GINS1: variants seen among roughly 807,000 people sequenced by gnomAD.
The protein encoded by GINS1 is GINS complex subunit 1.
In GINS1, 26 loss-of-function variants were observed where a neutral mutation model predicts 34.9. The ratio of observed to expected loss-of-function variants is 0.74; its 90% CI spans 0.55 to 1.03. GINS1 has a LOEUF of 1.03. Among genes scored for constraint, GINS1 ranks in the 50% least tolerant of loss-of-function variants. The pLI is 0.00. For missense variants in GINS1, 235 were observed against 237.9 expected (o/e 0.99, Z 0.08); for synonymous variants, 97 against 84.4 (o/e 1.15, Z -0.82).
rs1178706434 is a variant in GINS1 at position 25,407,691 on chromosome 20, G to C, written c.-130G>C. ...TAGCTTTGTTCGGCGCCAAAGCGCG[G>C]AGCGGAGGCCGAGGCGAGAGCCTGG... On this transcript the variant is annotated 5_prime_UTR_variant, in exon 1 of 7. Coordinates refer to ENST00000262460, the MANE Select transcript of GINS1 (RefSeq NM_021067.5). The C allele has an allele frequency of 2.7e-6, 2 of 741,288 alleles. No homozygotes were observed. The highest frequency in any genetic ancestry group is 1.8e-5 in the African/African-American group (1 of 56,750). 45.9% of individuals were successfully genotyped at this position (741,288 alleles called of 1,614,324 possible).
At chr20:25,411,499 T>C (rs1261641865) in intron 1 of GINS1, among the ~76,000 whole-genome samples, 1 of 152,108 alleles carries the variant, frequency 6.6e-6, no homozygotes, top group African/African-American at 2.4e-5. Flanking sequence ...ACCTATTGGG[T>C]AACATTTAAT....
intron 1 of GINS1, chr20:25,408,841 C>G: frequency 4.7e-6 from 4 of 852,382 alleles, no homozygotes; most frequent in Non-Finnish European, 5.6e-6. Context: ...GCTCCAGAGC[C>G]TGCACTCTAA....
At chr20:25,439,814 G>A (rs2090472673) in intron 5 of GINS1, among the ~76,000 whole-genome samples, 1 of 151,886 alleles carries the variant, frequency 6.6e-6, no homozygotes, top group African/African-American at 2.4e-5. Context: ...CCAACATGGT[G>A]AAACCCCGTC....
intron 2 of GINS1, 27 bp from the exon 3 acceptor site, chr20:25,417,077 T>G (rs750520041): frequency 1.9e-6 from 2 of 1,027,790 alleles, no homozygotes; most frequent in East Asian, 4.8e-5. Context: ...AGTACATATT[T>G]TTTTTCTTTT....
At chr20:25,445,250 A>G (rs2090504593) in intron 6 of GINS1, among the ~76,000 whole-genome samples, 2 of 152,086 alleles carry the variant, frequency 1.3e-5, no homozygotes, top group Non-Finnish European at 2.9e-5. Flanking sequence ...GCTGGAGTGC[A>G]ATGGCACAAT....
At chr20:25,410,298 G>A (rs890882705) in intron 1 of GINS1, among the ~76,000 whole-genome samples, 4 of 151,616 alleles carry the variant, frequency 2.6e-5, no homozygotes, top group Non-Finnish European at 4.4e-5. Context: ...CCAAGATCGG[G>A]TCACTGCACT....
rs1019800682 is a variant in GINS1 at position 25,407,712 on chromosome 20, C to A, written c.-109C>A. The A allele has an allele frequency of 2.3e-6, 2 of 856,528 alleles. No individual in the cohort carries two copies. The highest frequency in any genetic ancestry group is 2.1e-5 in the Admixed American group (1 of 47,164). 53.1% of individuals were successfully genotyped at this position (856,528 alleles called of 1,614,324 possible). A position where few individuals can be genotyped will look rare whatever the true frequency, so the allele number is the denominator to read the frequency against. ...CGCGGAGCGGAGGCCGAGGCGAGAGCCTGGCGCTGTAGGACTAGAACGAAA... is the reference window on the plus strand; with the variant it reads ...CGCGGAGCGGAGGCCGAGGCGAGAGACTGGCGCTGTAGGACTAGAACGAAA... On this transcript the variant is annotated 5_prime_UTR_variant, in exon 1 of 7. Transcript: ENST00000262460.
intron 5 of GINS1, among the ~76,000 whole-genome samples, chr20:25,438,641 C>G (rs926021402): frequency 4.0e-5 from 6 of 149,488 alleles, no homozygotes; most frequent in Non-Finnish European, 8.9e-5. Context: ...GCAAGGAGTC[C>G]TGGTTTACTA....
intron 6 of GINS1, among the ~76,000 whole-genome samples, chr20:25,443,642 C>T (rs2090494760): frequency 6.6e-6 from 1 of 151,862 alleles, no homozygotes. Context: ...CCACGCCTGG[C>T]TAATTTTTGT....
chr20:25,407,747 C>T lies in GINS1; in HGVS notation c.-74C>T, dbSNP rs186611781. 105 of 1,122,844 alleles carry T rather than the reference C, an allele frequency of 9.4e-5. No homozygotes were observed. The East Asian group carries it at 1.8e-3, about 20-fold the overall frequency. 69.6% of individuals were successfully genotyped at this position (1,122,844 alleles called of 1,614,324 possible). A position where few individuals can be genotyped will look rare whatever the true frequency, so the allele number is the denominator to read the frequency against. On this transcript the variant is annotated 5_prime_UTR_variant, in exon 1 of 7. Transcript: ENST00000262460. Reference sequence around the variant, plus strand: ...TAGGACTAGAACGAAAGGAGTGAGGCGCCGAGAGCCCAGATACCATTTTGG... The same window carrying T: ...TAGGACTAGAACGAAAGGAGTGAGGTGCCGAGAGCCCAGATACCATTTTGG...
intron 5 of GINS1, among the ~76,000 whole-genome samples, chr20:25,430,168 C>T (rs1315940099): frequency 6.6e-6 from 1 of 152,210 alleles, no homozygotes; most frequent in Non-Finnish European, 1.5e-5. Flanking sequence ...GCCTTGGCCT[C>T]CCAAAGTGCT....
intron 2 of GINS1, among the ~76,000 whole-genome samples, chr20:25,416,142 G>A (rs2090319314): frequency 6.6e-6 from 1 of 152,168 alleles, no homozygotes; most frequent in East Asian, 1.9e-4. Flanking sequence ...GTGTGGAGGG[G>A]CTGAGAGGTG....
chr20:25,425,414 A>G lies in GINS1; in HGVS notation c.447+87A>G. The G allele has an allele frequency of 4.8e-6, 3 of 623,388 alleles. No individual in the cohort carries two copies. In the East Asian group the frequency reaches 8.0e-5, roughly 17 times the overall value. The allele number at this position is 623,388 out of a possible 1,614,324, so 38.6% of individuals were successfully genotyped here. A position where few individuals can be genotyped will look rare whatever the true frequency, so the allele number is the denominator to read the frequency against. On this transcript the variant is annotated intron_variant, in intron 5 of 6. Coordinates refer to ENST00000262460, the MANE Select transcript of GINS1 (RefSeq NM_021067.5). ...AGAGAGGAGTATATGAATATGTGTT[A>G]GCTTCTATTAAAATAGAAAAGAAGC... is the stretch of plus-strand genomic sequence containing the variant.
rs1190332320 is a variant in GINS1, at chr20:25,447,294, C to T, written c.*1303C>T. On this transcript the variant is annotated 3_prime_UTR_variant, in exon 7 of 7. Transcript: ENST00000262460. ...ACCTCAAGTGACCCACCTTGGCCTCCCAAAGTTTTGGGATTACAAGTGTGG... is the reference window on the plus strand; with the variant it reads ...ACCTCAAGTGACCCACCTTGGCCTCTCAAAGTTTTGGGATTACAAGTGTGG... 1 of 152,092 alleles carries T rather than the reference C, an allele frequency of 6.6e-6. No homozygotes were observed. The highest frequency in any genetic ancestry group is 1.5e-5 in the Non-Finnish European group (1 of 68,016). The allele number at this position is 152,092 out of a possible 1,614,324, so 9.4% of individuals were successfully genotyped here.
chr20:25,423,914 T>G (rs2090375252), intron 4 of GINS1, among the ~76,000 whole-genome samples: 1 of 152,246 alleles, frequency 6.6e-6, no homozygotes, highest in Non-Finnish European at 1.5e-5. Flanking sequence ...GTGCCCGGCC[T>G]TTTTTCTATG....
At chr20:25,425,382 T>G (rs2090385221) in intron 5 of GINS1, 55 bp downstream of exon 5, 3 of 767,356 alleles carry the variant, frequency 3.9e-6, no homozygotes, top group African/African-American at 1.7e-5. Flanking sequence ...TGTGCTACCT[T>G]TTAAGAAGAG....
At position 25,446,636 on chromosome 20, in the gene GINS1, T is replaced by C. The variant is rs1159612869; in HGVS notation, c.*645T>C. 1.3e-5 allele frequency: 2 copies of C among 152,224 alleles called. No individual in the cohort carries two copies. The highest frequency in any genetic ancestry group is 3.8e-4 in the East Asian group (2 of 5,208). 9.4% of individuals were successfully genotyped at this position (152,224 alleles called of 1,614,324 possible). On this transcript the variant is annotated 3_prime_UTR_variant, in exon 7 of 7. Coordinates refer to ENST00000262460, the MANE Select transcript of GINS1 (RefSeq NM_021067.5). ...ACATACTAATTTATCATCTGGCTAT[T>C]TGGGAAGGAAGGACACACATGGATT... is the stretch of plus-strand genomic sequence containing the variant.
chr20:25,412,694 G>A (rs2090294045), intron 1 of GINS1, among the ~76,000 whole-genome samples: 1 of 152,002 alleles, frequency 6.6e-6, no homozygotes, highest in Non-Finnish European at 1.5e-5. Context: ...TATTTTAATA[G>A]ATTTTTGAAT....
chr20:25,445,501 C>G (rs925437502), intron 6 of GINS1, among the ~76,000 whole-genome samples: 10 of 152,198 alleles, frequency 6.6e-5, no homozygotes, highest in African/African-American at 2.2e-4. Context: ...TGCCCGCCAC[C>G]ATGCCTGGCT....
Sources: gnomAD v4.1 joint callset for allele counts (sites outside exome capture counted in the v4.1 genomes callset) on GRCh38, gnomAD v4.1.1 for gene constraint, MANE v1.5 for transcripts, NCBI Gene and HGNC (gene_info 2026-07-23, HGNC 2026-07-21) for gene names.